MRTFB: variants seen among roughly 807,000 people sequenced by gnomAD.
The protein encoded by MRTFB is myocardin related transcription factor B, also known as myocardin-related transcription factor B.
In MRTFB, 29 loss-of-function variants were observed where a neutral mutation model predicts 104.2. The ratio of observed to expected loss-of-function variants is 0.28; its 90% CI spans 0.21 to 0.38. The LOEUF (loss-of-function observed/expected upper bound fraction) is 0.38. MRTFB is among the 10% of genes least tolerant of loss of function. MRTFB has a pLI of 1.00. For missense variants in MRTFB, 1,270 were observed against 1,341.6 expected, an observed-to-expected ratio of 0.95 and a Z score of 0.83; for synonymous variants, 535 against 519.5, an observed-to-expected ratio of 1.03 and a Z score of -0.41.
intron 2 of MRTFB, among the ~76,000 whole-genome samples, chr16:14,122,896 C>T (rs1448240989): frequency 1.3e-5 from 2 of 152,314 alleles, no homozygotes; most frequent in South Asian, 2.1e-4. Flanking sequence ...AACTAATTTA[C>T]ACTCCCACCA....
chr16:14,019,457 T>G, the MRTFB span: 1 of 152,348 alleles, frequency 6.6e-6, no homozygotes, highest in Admixed American at 6.5e-5. Context: ...TTCCTGCACT[T>G]CTTTTGCTCT....
chr16:14,071,102 G>T (rs1336780572), upstream of MRTFB, among the ~76,000 whole-genome samples: 1 of 152,216 alleles, frequency 6.6e-6, no homozygotes, highest in Non-Finnish European at 1.5e-5. Flanking sequence ...AGGTGAGAAG[G>T]AGGCGGCCGC....
chr16:14,240,524 T>A, intron 10 of MRTFB, 40 bp downstream of exon 10: 1 of 1,614,208 alleles, frequency 6.2e-7, no homozygotes, highest in Non-Finnish European at 8.5e-7. Context: ...CGGGGTTTTC[T>A]GTGGTTTTTT....
chr16:14,210,197 C>T (rs1597256708), intron 3 of MRTFB, 46 bp from the exon 4 acceptor site: 2 of 1,483,728 alleles, frequency 1.3e-6, no homozygotes, highest in Non-Finnish European at 1.9e-6. Context: ...AAATCGGATC[C>T]CACAGTTGCC....
intron 9 of MRTFB, among the ~76,000 whole-genome samples, chr16:14,236,818 A>G (rs2042537737): frequency 6.6e-6 from 1 of 152,168 alleles, no homozygotes; most frequent in African/African-American, 2.4e-5. Context: ...GATATGTTAG[A>G]AACAGTAGGG....
the MRTFB span, among the ~76,000 whole-genome samples, chr16:14,053,268 G>T: frequency 6.6e-6 from 1 of 151,794 alleles, no homozygotes; most frequent in African/African-American, 2.4e-5. Flanking sequence ...ATGGATATAT[G>T]TAATATCCAT....
chr16:14,091,751 T>C (rs1406340772), intron 2 of MRTFB, among the ~76,000 whole-genome samples: 1 of 151,960 alleles, frequency 6.6e-6, no homozygotes, highest in Non-Finnish European at 1.5e-5. Context: ...TCCCAGCACT[T>C]TGGGAGGCCG....
intron 3 of MRTFB, chr16:14,193,665 C>A (rs2040299937): frequency 6.6e-6 from 1 of 152,210 alleles, no homozygotes; most frequent in Middle Eastern, 3.2e-3. Context: ...CCTGTGACAT[C>A]TGCTACTCAC....
chr16:14,071,222 G>A (rs1596674756), upstream of MRTFB: 3 of 153,472 alleles, frequency 2.0e-5, no homozygotes, highest in South Asian at 5.3e-4. Flanking sequence ...TTGAGGCGGG[G>A]TGGGCAGCGT....
At chr16:14,242,568 T>TA (rs1007957162) in intron 10 of MRTFB, among the ~76,000 whole-genome samples, 1 of 152,170 alleles carries the variant, frequency 6.6e-6, no homozygotes, top group African/African-American at 2.4e-5. Flanking sequence ...GGTGGGAGTT[T>TA]ACCTGAATCA....
the MRTFB span, among the ~76,000 whole-genome samples, chr16:14,058,687 ATT>A: frequency 5.2e-5 from 5 of 96,074 alleles, no homozygotes; most frequent in Admixed American, 9.7e-5. Context: ...AAACATATTT[ATT>A]TATTTATTTT....
At chr16:14,205,024 T>C (rs1383068883) in intron 3 of MRTFB, among the ~76,000 whole-genome samples, 1 of 152,184 alleles carries the variant, frequency 6.6e-6, no homozygotes, top group African/African-American at 2.4e-5. Context: ...ACAGAGTATT[T>C]TATGTAGCCA....
At chr16:14,169,496 A>G (rs78801444) in intron 3 of MRTFB, among the ~76,000 whole-genome samples, 3,558 of 152,138 alleles carry the variant, frequency 0.023, 154 homozygotes, top group African/African-American at 0.08. Context: ...GGAGTTTTTT[A>G]TATACCCTTG....
chr16:14,160,053 C>CA, intron 3 of MRTFB, among the ~76,000 whole-genome samples: 1 of 151,846 alleles, frequency 6.6e-6, no homozygotes, highest in Non-Finnish European at 1.5e-5. Flanking sequence ...TTATCAGCCT[C>CA]AAAAAGTTTA....
At chr16:14,140,001 C>T (rs973226110) in intron 2 of MRTFB, among the ~76,000 whole-genome samples, 1 of 152,164 alleles carries the variant, frequency 6.6e-6, no homozygotes, top group African/African-American at 2.4e-5. Context: ...ATAACAACCC[C>T]AAATTTCAGT....
intron 3 of MRTFB, among the ~76,000 whole-genome samples, chr16:14,186,446 G>A (rs960139652): frequency 3.3e-5 from 5 of 152,200 alleles, no homozygotes; most frequent in African/African-American, 9.6e-5. Context: ...TATAGAGAGC[G>A]GGAGAGAGAC....
At chr16:14,242,554 T>C (rs898752715) in intron 10 of MRTFB, among the ~76,000 whole-genome samples, 2 of 152,190 alleles carry the variant, frequency 1.3e-5, no homozygotes, top group African/African-American at 4.8e-5. Context: ...AGAGTGCCCA[T>C]AGTGGTGGGA....
At chr16:14,175,868 C>T (rs1353908613) in intron 3 of MRTFB, among the ~76,000 whole-genome samples, 1 of 152,068 alleles carries the variant, frequency 6.6e-6, no homozygotes, top group Non-Finnish European at 1.5e-5. Flanking sequence ...CTCAAAAGAC[C>T]ACATACTGTA....
At chr16:14,029,419 A>AAAT in the MRTFB span, among the ~76,000 whole-genome samples, 7 of 88,898 alleles carry the variant, frequency 7.9e-5, no homozygotes, top group East Asian at 3.0e-4. Flanking sequence ...AAAAAAAAAA[A>AAAT]ATATATATAT....
Sources: gnomAD v4.1 joint callset for allele counts (sites outside exome capture counted in the v4.1 genomes callset) on GRCh38, gnomAD v4.1.1 for gene constraint, MANE v1.5 for transcripts, NCBI Gene and HGNC (gene_info 2026-07-23, HGNC 2026-07-21) for gene names.